Variants in CSGALNACT2 observed in about 807,000 individuals in gnomAD.
The protein encoded by CSGALNACT2 is chondroitin sulfate N-acetylgalactosaminyltransferase 2, also known as beta 4 GalNAcT-2.
Under a neutral mutation model 55.3 loss-of-function variants are expected in CSGALNACT2, and 35 were observed. The ratio of observed to expected loss-of-function variants is 0.63; its 90% CI spans 0.48 to 0.84. CSGALNACT2 has a LOEUF of 0.84. CSGALNACT2 is among the 40% of genes least tolerant of loss of function. The pLI is 0.00. For missense variants in CSGALNACT2, 544 were observed against 657.5 expected, an observed-to-expected ratio of 0.83 and a Z score of 1.89; for synonymous variants, 196 against 224.9, an observed-to-expected ratio of 0.87 and a Z score of 1.15.
intron 7 of CSGALNACT2, among the ~76,000 whole-genome samples, chr10:43,179,272 AT>A (rs1278078866): frequency 7.1e-6 from 1 of 140,014 alleles, no homozygotes; most frequent in East Asian, 2.0e-4. Context: ...TTTTAAGCGT[AT>A]GTCACATCTT....
intron 1 of CSGALNACT2, among the ~76,000 whole-genome samples, chr10:43,143,515 G>A (rs1838677791): frequency 6.6e-6 from 1 of 151,422 alleles, no homozygotes; most frequent in Non-Finnish European, 1.5e-5. Flanking sequence ...GTGTGTGTGT[G>A]TGTGTGTGTG....
At chr10:43,175,856 AAG>A in intron 6 of CSGALNACT2, 93 bp from the exon 7 acceptor site, 1 of 1,065,026 alleles carries the variant, frequency 9.4e-7, no homozygotes, top group Non-Finnish European at 1.4e-6. Flanking sequence ...GACAGGAAAA[AAG>A]TATACATTAG....
chr10:43,163,682 G>A, intron 4 of CSGALNACT2, 184 bp from the exon 5 acceptor site: 1 of 985,380 alleles, frequency 1.0e-6, no homozygotes, highest in Non-Finnish European at 1.2e-6. Context: ...TTGGGCATTT[G>A]GTGAATATCT....
intron 6 of CSGALNACT2, among the ~76,000 whole-genome samples, chr10:43,167,597 A>C (rs953352704): frequency 6.6e-6 from 1 of 152,128 alleles, no homozygotes; most frequent in African/African-American, 2.4e-5. Flanking sequence ...TTTTATAATA[A>C]TTTAGATTTA....
rs1432556767 is a variant in CSGALNACT2, at chr10:43,184,371, G to T, written c.*829G>T. The T allele has an allele frequency of 6.6e-6, 1 of 152,186 alleles. No individual in the cohort carries two copies. The allele number at this position is 152,186 out of a possible 1,614,324, so 9.4% of individuals were successfully genotyped here. A position where few individuals can be genotyped will look rare whatever the true frequency, so the allele number is the denominator to read the frequency against. On this transcript the variant is annotated 3_prime_UTR_variant, in exon 8 of 8. Transcript: ENST00000374466. ...GTTTATTTGAGCCAGCTCTATCAGG[G>T]TCTTCCCATGGTGGTTCAGAATAGA...
chr10:43,175,775 G>A (rs1839468467), intron 6 of CSGALNACT2, among the ~76,000 whole-genome samples, 176 bp from the exon 7 acceptor site: 1 of 152,124 alleles, frequency 6.6e-6, no homozygotes, highest in Non-Finnish European at 1.5e-5. Flanking sequence ...CAGGCTTTGA[G>A]TTCTATTTTT....
intron 5 of CSGALNACT2, among the ~76,000 whole-genome samples, chr10:43,166,348 A>G (rs1232322131): frequency 6.6e-6 from 1 of 152,212 alleles, no homozygotes; most frequent in Non-Finnish European, 1.5e-5. Context: ...TGAACACTTC[A>G]TGTGATCATA....
intron 5 of CSGALNACT2, 62 bp from the exon 6 acceptor site, chr10:43,166,942 G>T: frequency 1.1e-6 from 1 of 922,882 alleles, no homozygotes; most frequent in South Asian, 1.5e-5. Flanking sequence ...AATAGATATT[G>T]CAATAAAGAA....
chr10:43,153,481 T>C (rs1302811229), intron 1 of CSGALNACT2, among the ~76,000 whole-genome samples: 3 of 151,992 alleles, frequency 2.0e-5, no homozygotes, highest in African/African-American at 7.2e-5. Context: ...TGTCCTATGT[T>C]TTATACAGAC....
chr10:43,168,136 A>G (rs1839306292), intron 6 of CSGALNACT2, among the ~76,000 whole-genome samples: 1 of 152,204 alleles, frequency 6.6e-6, no homozygotes, highest in African/African-American at 2.4e-5. Flanking sequence ...GGCTAAGTTC[A>G]TGTTAGTATT....
At chr10:43,152,400 T>C (rs993974501) in intron 1 of CSGALNACT2, among the ~76,000 whole-genome samples, 2 of 130,918 alleles carry the variant, frequency 1.5e-5, no homozygotes, top group Non-Finnish European at 3.2e-5. Flanking sequence ...TCTTTCATTT[T>C]TAATAACCAC....
intron 1 of CSGALNACT2, among the ~76,000 whole-genome samples, chr10:43,151,511 GC>G (rs1275058296): frequency 6.6e-6 from 1 of 152,100 alleles, no homozygotes; most frequent in African/African-American, 2.4e-5. Flanking sequence ...ACTAATCCTG[GC>G]CCTGTATGAA....
intron 6 of CSGALNACT2, among the ~76,000 whole-genome samples, chr10:43,175,547 T>C (rs1188242655): frequency 6.6e-6 from 1 of 152,152 alleles, no homozygotes; most frequent in Non-Finnish European, 1.5e-5. Context: ...CTTCCCTGAA[T>C]TCATGGGCTG....
Position 43,175,943 on chromosome 10 carries a change from T to TA in CSGALNACT2, c.1255-6dup. ...AAATTGTTTTCTGTTTTTTTTTTTT[T>TA]AACTAAGGTTCACAAAAAGGATTCT... On this transcript the variant is annotated splice_region_variant and splice_polypyrimidine_tract_variant and intron_variant, in intron 6 of 7. Coordinates refer to ENST00000374466, the MANE Select transcript of CSGALNACT2 (RefSeq NM_018590.5). 6.5e-7 allele frequency: 1 copy of TA among 1,537,780 alleles called. No individual in the cohort carries two copies. Among genetic ancestry groups the TA allele is most frequent in the Non-Finnish European group, 8.8e-7 (1 of 1,132,794 alleles).
intron 4 of CSGALNACT2, among the ~76,000 whole-genome samples, chr10:43,160,930 C>T (rs996687587): frequency 6.6e-6 from 1 of 151,964 alleles, no homozygotes; most frequent in African/African-American, 2.4e-5. Context: ...CCTTTCTTTC[C>T]TTCCATTTCC....
At chr10:43,147,022 C>T (rs1191758118) in intron 1 of CSGALNACT2, among the ~76,000 whole-genome samples, 12 of 93,222 alleles carry the variant, frequency 1.3e-4, no homozygotes, top group Non-Finnish European at 2.1e-4. Flanking sequence ...GTCGCCCAGG[C>T]TGGAGTGCAG....
intron 4 of CSGALNACT2, chr10:43,162,276 G>C (rs1564515762): frequency 1.8e-6 from 1 of 570,436 alleles, no homozygotes. Flanking sequence ...TGCCATCAGA[G>C]AGGAAAGAGC....
intron 1 of CSGALNACT2, among the ~76,000 whole-genome samples, chr10:43,142,248 G>A (rs1051594060): frequency 6.6e-6 from 1 of 151,822 alleles, no homozygotes; most frequent in African/African-American, 2.4e-5. Context: ...GTCTCACTCT[G>A]TTGCCCAGGC....
At chr10:43,164,109 T>G (rs1380433374) in intron 5 of CSGALNACT2, 65 bp downstream of exon 5, 4 of 1,332,642 alleles carry the variant, frequency 3.0e-6, no homozygotes, top group Non-Finnish European at 4.1e-6. Context: ...TGTCCTATAG[T>G]TTGAATCAAG....
Sources: gnomAD v4.1 joint callset for allele counts (sites outside exome capture counted in the v4.1 genomes callset) on GRCh38, gnomAD v4.1.1 for gene constraint, MANE v1.5 for transcripts, NCBI Gene and HGNC (gene_info 2026-07-23, HGNC 2026-07-21) for gene names.